The following OTUD7B variants were observed in gnomAD, a reference collection of about 807,000 sequenced individuals.
The protein encoded by OTUD7B is OTU domain-containing protein 7B.
OTUD7B carries 34 observed loss-of-function variants against 82.2 expected under a neutral mutation model. That is an observed-to-expected ratio of 0.41 (90% CI 0.31 to 0.55). The LOEUF is 0.55. OTUD7B is among the 20% of genes least tolerant of loss of function. The probability of loss-of-function intolerance (pLI) is 0.20; values close to 1 mark genes in which losing one functional copy is unlikely to be tolerated. For missense variants in OTUD7B, 944 were observed against 1,062.1 expected, an observed-to-expected ratio of 0.89 and a Z score of 1.55; for synonymous variants, 398 against 402.7, an observed-to-expected ratio of 0.99 and a Z score of 0.14.
the OTUD7B span, among the ~76,000 whole-genome samples, chr1:150,050,916 T>TAA: frequency 2.5e-3 from 355 of 144,650 alleles, 3 homozygotes; most frequent in Middle Eastern, 7.1e-3. Context: ...AGATAGTCCT[T>TAA]AAAAAAAAAA....
At chr1:149,951,301 T>G (rs1648232626) in intron 7 of OTUD7B, among the ~76,000 whole-genome samples, 1 of 151,184 alleles carries the variant, frequency 6.6e-6, no homozygotes, top group African/African-American at 2.4e-5. Context: ...AGACGGGGTT[T>G]CACCGTGTTG....
intron 3 of OTUD7B, among the ~76,000 whole-genome samples, chr1:149,967,965 G>T (rs1053118841): frequency 3.3e-5 from 5 of 151,992 alleles, no homozygotes; most frequent in Non-Finnish European, 7.4e-5. Context: ...TTTCTAAAGG[G>T]TATTTTCATT....
At chr1:149,974,356 C>A (rs1553778180) in intron 2 of OTUD7B, among the ~76,000 whole-genome samples, 1 of 152,106 alleles carries the variant, frequency 6.6e-6, no homozygotes, top group East Asian at 1.9e-4. Flanking sequence ...CTGTTTTAAT[C>A]ATTTCTTCTC....
At chr1:149,958,484 C>T (rs1648885413) in intron 7 of OTUD7B, among the ~76,000 whole-genome samples, 2 of 151,762 alleles carry the variant, frequency 1.3e-5, no homozygotes, top group South Asian at 2.1e-4. Context: ...CCTAGCACCA[C>T]GCCCAGCTAA....
At chr1:149,987,555 C>T (rs587703217) in intron 1 of OTUD7B, among the ~76,000 whole-genome samples, 26 of 152,294 alleles carry the variant, frequency 1.7e-4, no homozygotes, top group African/African-American at 6.0e-4. Context: ...TATTGATATA[C>T]AATAAATCCT....
At chr1:150,002,159 TTC>T (rs1288462725) in intron 1 of OTUD7B, among the ~76,000 whole-genome samples, 1 of 152,076 alleles carries the variant, frequency 6.6e-6, no homozygotes, top group African/African-American at 2.4e-5. Flanking sequence ...TCAAAATTGT[TTC>T]TGTTTGGGTT....
rs57182882 is a variant in OTUD7B at position 149,959,636 on chromosome 1, G to A, written c.845+48C>T. Reference sequence around the variant, plus strand: ...CTAGACACTGGGCTGTGGAAGCCCAGTGAGGACTCTATGCAGGTTTCCTCC... The same window carrying A: ...CTAGACACTGGGCTGTGGAAGCCCAATGAGGACTCTATGCAGGTTTCCTCC... On this transcript the variant is annotated intron_variant, in intron 7 of 11. Coordinates refer to ENST00000581312, the MANE Select transcript of OTUD7B (RefSeq NM_020205.4). 5,427 of 1,147,686 alleles carry A rather than the reference G, an allele frequency of 4.7e-3. 139 individuals carry two copies. The African/African-American group carries it at 0.063, about 13-fold the overall frequency. 71.1% of individuals were successfully genotyped at this position (1,147,686 alleles called of 1,614,324 possible). A position where few individuals can be genotyped will look rare whatever the true frequency, so the allele number is the denominator to read the frequency against.
chr1:149,960,590 G>A (rs1553775469), intron 6 of OTUD7B, among the ~76,000 whole-genome samples: 2 of 151,152 alleles, frequency 1.3e-5, no homozygotes, highest in Non-Finnish European at 2.9e-5. Flanking sequence ...CCCCATGTTG[G>A]CCAGGCTGGT....
In OTUD7B at chr1:149,973,692, G is replaced by C. The variant is rs915440742; in HGVS notation, c.86-2441C>G. Reference sequence around the variant, plus strand: ...GTGGAGATGGGGCTTCACCCTGTTGGCCAGGCTAGTCTCGAACTCCTGACC... The same window carrying C: ...GTGGAGATGGGGCTTCACCCTGTTGCCCAGGCTAGTCTCGAACTCCTGACC... On this transcript the variant is annotated intron_variant, in intron 2 of 11. Transcript: ENST00000581312. Among the ~76,000 whole-genome samples the C allele has an allele frequency of 3.3e-5, 5 of 151,948 alleles. No homozygotes were observed. In the East Asian group the frequency reaches 9.7e-4, roughly 30 times the overall value.
intron 1 of OTUD7B, among the ~76,000 whole-genome samples, chr1:150,010,221 CG>C (rs1553787044): frequency 6.6e-6 from 1 of 151,896 alleles, no homozygotes; most frequent in East Asian, 1.9e-4. Context: ...CTGGAGAGCG[CG>C]GGGTAGGAAC....
At chr1:149,977,301 G>T (rs1175140032) in intron 2 of OTUD7B, 125 bp downstream of exon 2, 3 of 685,892 alleles carry the variant, frequency 4.4e-6, no homozygotes, top group East Asian at 2.5e-5. Context: ...TATATCATTA[G>T]AATTAACTAT....
chr1:150,027,572 G>A, the OTUD7B span, among the ~76,000 whole-genome samples: 1 of 152,156 alleles, frequency 6.6e-6, no homozygotes, highest in Non-Finnish European at 1.5e-5. Context: ...AGGCAACAGA[G>A]TGAGACTCCA....
At chr1:150,015,039 G>A (rs1553788193), upstream of OTUD7B, among the ~76,000 whole-genome samples, 1 of 152,086 alleles carries the variant, frequency 6.6e-6, no homozygotes, top group Non-Finnish European at 1.5e-5. Context: ...CATTAGCTAA[G>A]TTTACCATTT....
chr1:149,950,953 G>A (rs868947175), intron 7 of OTUD7B, among the ~76,000 whole-genome samples: 4 of 348 alleles, frequency 0.011, no homozygotes, highest in African/African-American at 0.029. Flanking sequence ...CACCTCGCCC[G>A]GTCTAATTTT....
the OTUD7B span, among the ~76,000 whole-genome samples, chr1:150,037,809 T>C: frequency 6.6e-6 from 1 of 152,232 alleles, no homozygotes; most frequent in African/African-American, 2.4e-5. Context: ...ATCTTTTAAA[T>C]AAAATATTTA....
chr1:150,035,058 C>T, the OTUD7B span, among the ~76,000 whole-genome samples: 8 of 151,518 alleles, frequency 5.3e-5, no homozygotes, highest in Non-Finnish European at 8.8e-5. Flanking sequence ...GCAGGAGAAT[C>T]GCTTGAACCC....
chr1:150,009,021 AAT>A (rs1422668588), intron 1 of OTUD7B, among the ~76,000 whole-genome samples: 2 of 152,212 alleles, frequency 1.3e-5, no homozygotes, highest in African/African-American at 4.8e-5. Flanking sequence ...CAGCCTTCAA[AAT>A]ATCAATAGAC....
the OTUD7B span, among the ~76,000 whole-genome samples, chr1:150,039,814 A>T: frequency 1.3e-5 from 2 of 152,006 alleles, no homozygotes; most frequent in African/African-American, 4.8e-5. Context: ...TTCATTAGTT[A>T]TTGTGGCATA....
intron 1 of OTUD7B, among the ~76,000 whole-genome samples, chr1:149,985,757 A>AC (rs1651092270): frequency 6.7e-6 from 1 of 150,362 alleles, no homozygotes; most frequent in Non-Finnish European, 1.5e-5. Flanking sequence ...AAAAAAAAAA[A>AC]AATCTATACA....
Sources: gnomAD v4.1 joint callset for allele counts (sites outside exome capture counted in the v4.1 genomes callset) on GRCh38, gnomAD v4.1.1 for gene constraint, MANE v1.5 for transcripts, NCBI Gene and HGNC (gene_info 2026-07-23, HGNC 2026-07-21) for gene names.